ATXN2: variants seen among roughly 807,000 people sequenced by gnomAD.
ATXN2 encodes the protein ataxin-2.
A neutral mutation model predicts 138.6 loss-of-function variants in ATXN2; 37 were observed. That is an observed-to-expected ratio of 0.27 (90% CI 0.21 to 0.35). ATXN2 has a LOEUF of 0.35. ATXN2 is among the 10% of genes least tolerant of loss of function. The pLI is 1.00. For synonymous variants in ATXN2, 549 were observed against 543.7 expected (o/e 1.01, Z -0.13); for missense variants, 1,216 against 1,480.3 (o/e 0.82, Z 2.93).
At chr12:111,577,855 G>T (rs551903283) in intron 1 of ATXN2, among the ~76,000 whole-genome samples, 3 of 152,218 alleles carry the variant, frequency 2.0e-5, no homozygotes, top group South Asian at 4.1e-4. Context: ...GCTGAGGTGG[G>T]AGGATTGCTG....
intron 5 of ATXN2, among the ~76,000 whole-genome samples, chr12:111,528,982 TG>T (rs1880657194): frequency 6.6e-6 from 1 of 152,234 alleles, no homozygotes; most frequent in African/African-American, 2.4e-5. Context: ...TTTTTGTTTT[TG>T]TTTTTTCAGA....
rs113354978 is a variant in ATXN2, at chr12:111,503,211, A to G, written c.1935+6338T>C. On this transcript the variant is annotated intron_variant, in intron 14 of 24. Transcript: ENST00000673436. ...TGAACAAATGCAGTTTGGGGCTATG[A>G]GCATGTCATGAAGTTAGCTCTAATG... Among the ~76,000 whole-genome samples the G allele has an allele frequency of 6.8e-4, 104 of 152,364 alleles. 1 individual carries two copies. The highest frequency in any genetic ancestry group is 3.4e-3 in the Middle Eastern group (1 of 294).
chr12:111,567,859 GTTAC>G (rs1459136521), intron 1 of ATXN2, among the ~76,000 whole-genome samples: 1 of 152,110 alleles, frequency 6.6e-6, no homozygotes, highest in Admixed American at 6.6e-5. Flanking sequence ...TATTCACTGT[GTTAC>G]TTAATTAACA....
At chr12:111,508,947 C>CT (rs1175166823) in intron 14 of ATXN2, among the ~76,000 whole-genome samples, 2 of 152,088 alleles carry the variant, frequency 1.3e-5, no homozygotes, top group Admixed American at 6.6e-5. Flanking sequence ...AATTCAGCTA[C>CT]TTTTTTTAAA....
intron 5 of ATXN2, among the ~76,000 whole-genome samples, chr12:111,538,049 T>C (rs779403621): frequency 3.3e-5 from 5 of 151,638 alleles, no homozygotes; most frequent in Admixed American, 6.6e-5. Flanking sequence ...TGAGCTACGA[T>C]GGCGCCACTG....
At chr12:111,503,532 T>C (rs1395771690) in intron 14 of ATXN2, among the ~76,000 whole-genome samples, 2 of 152,056 alleles carry the variant, frequency 1.3e-5, no homozygotes, top group Non-Finnish European at 2.9e-5. Context: ...AAGAGAACAA[T>C]TAGAAAGTTC....
At chr12:111,486,294 A>AATAC in intron 16 of ATXN2, among the ~76,000 whole-genome samples, 1 of 152,364 alleles carries the variant, frequency 6.6e-6, no homozygotes, top group Middle Eastern at 3.4e-3. Context: ...CAACCTATGC[A>AATAC]TATCCTCCTA....
Position 111,466,205 on chromosome 12 carries a change from A to T in ATXN2, c.2843-1490T>A, listed in dbSNP as rs140789185. Among the ~76,000 whole-genome samples, 205 of 145,038 alleles carry T rather than the reference A, an allele frequency of 1.4e-3. 2 individuals carry two copies. In the East Asian group the frequency reaches 0.036, roughly 25 times the overall value. ...AAATAAAAAATAAATAAAAAATAAA[A>T]AAAAAAAAAGAGGCTGGGCACAGTG... is the stretch of plus-strand genomic sequence containing the variant. On this transcript the variant is annotated intron_variant, in intron 20 of 24. Coordinates refer to ENST00000673436, the MANE Select transcript of ATXN2 (RefSeq NM_001372574.1).
intron 1 of ATXN2, among the ~76,000 whole-genome samples, chr12:111,578,984 G>A (rs998341629): frequency 6.6e-6 from 1 of 152,126 alleles, no homozygotes; most frequent in African/African-American, 2.4e-5. Context: ...GTTGCAGTCA[G>A]ACAATATCGC....
At chr12:111,502,920 G>A (rs1340854921) in intron 14 of ATXN2, among the ~76,000 whole-genome samples, 1 of 152,126 alleles carries the variant, frequency 6.6e-6, no homozygotes, top group Non-Finnish European at 1.5e-5. Context: ...GGAACACTAT[G>A]AAGCAGGTTC....
chr12:111,559,243 G>A (rs1469889437), intron 1 of ATXN2, among the ~76,000 whole-genome samples: 3 of 151,146 alleles, frequency 2.0e-5, no homozygotes, highest in African/African-American at 7.3e-5. Context: ...TAGGACTACA[G>A]GTACGCGTCA....
chr12:111,487,032 T>A (rs971040290), intron 15 of ATXN2, among the ~76,000 whole-genome samples: 3 of 152,112 alleles, frequency 2.0e-5, no homozygotes, highest in South Asian at 2.1e-4. Context: ...AACAATTTTT[T>A]AAAAATCTGA....
At chr12:111,527,339 C>T (rs935999715) in intron 5 of ATXN2, among the ~76,000 whole-genome samples, 2 of 152,110 alleles carry the variant, frequency 1.3e-5, no homozygotes, top group Admixed American at 6.6e-5. Flanking sequence ...GAGGAAGGGA[C>T]GAATCAACAA....
chr12:111,530,620 C>G (rs949893706), intron 5 of ATXN2, among the ~76,000 whole-genome samples: 1 of 152,196 alleles, frequency 6.6e-6, no homozygotes, highest in African/African-American at 2.4e-5. Flanking sequence ...CAAGACCATC[C>G]TGGTTAACAC....
chr12:111,480,374 A>ACG (rs1775551086), intron 18 of ATXN2, among the ~76,000 whole-genome samples: 1 of 152,230 alleles, frequency 6.6e-6, no homozygotes, highest in African/African-American at 2.4e-5. Flanking sequence ...ATAATGGTAC[A>ACG]GGCTGGTCTC....
intron 5 of ATXN2, among the ~76,000 whole-genome samples, chr12:111,528,468 C>G (rs1880626901): frequency 6.6e-6 from 1 of 152,132 alleles, no homozygotes; most frequent in Non-Finnish European, 1.5e-5. Flanking sequence ...AGGCTTTATT[C>G]CACTGACCAG....
At chr12:111,523,249 C>G (rs1355684679) in intron 6 of ATXN2, among the ~76,000 whole-genome samples, 1 of 151,384 alleles carries the variant, frequency 6.6e-6, no homozygotes, top group African/African-American at 2.4e-5. Flanking sequence ...AAAAAAAAAG[C>G]AAATAGGATC....
At chr12:111,556,240 C>T (rs1566061997) in intron 1 of ATXN2, among the ~76,000 whole-genome samples, 1 of 152,106 alleles carries the variant, frequency 6.6e-6, no homozygotes. Flanking sequence ...TATAGCCAGG[C>T]ATGTGGCATG....
intron 8 of ATXN2, 122 bp downstream of exon 8, chr12:111,519,756 AT>A: frequency 6.7e-7 from 1 of 1,501,852 alleles, no homozygotes; most frequent in Non-Finnish European, 8.9e-7. Flanking sequence ...TCTTAAACCA[AT>A]TCTACTTGCA....
Sources: gnomAD v4.1 joint callset for allele counts (sites outside exome capture counted in the v4.1 genomes callset) on GRCh38, gnomAD v4.1.1 for gene constraint, MANE v1.5 for transcripts, NCBI Gene and HGNC (gene_info 2026-07-23, HGNC 2026-07-21) for gene names.